The following SH3RF3 variants were observed in gnomAD, a reference collection of about 807,000 sequenced individuals.
The protein encoded by SH3RF3 is E3 ubiquitin-protein ligase SH3RF3.
A neutral mutation model predicts 66.3 loss-of-function variants in SH3RF3; 29 were observed. That is an observed-to-expected ratio of 0.44 (90% CI 0.33 to 0.60). The LOEUF is 0.60. Among genes scored for constraint, SH3RF3 ranks in the 20% least tolerant of loss-of-function variants. SH3RF3 has a pLI of 0.04. For synonymous variants in SH3RF3, 583 were observed against 532.0 expected (o/e 1.10, Z -1.32); for missense variants, 1,194 against 1,190.9 (o/e 1.00, Z -0.04).
chr2:109,388,601 A>G (rs547932036), intron 3 of SH3RF3, among the ~76,000 whole-genome samples: 2 of 152,266 alleles, frequency 1.3e-5, no homozygotes, highest in Non-Finnish European at 2.9e-5. Context: ...CCACTGCTGC[A>G]TGCACATGCA....
chr2:109,263,861 C>T (rs933836572), intron 1 of SH3RF3, among the ~76,000 whole-genome samples: 10 of 152,092 alleles, frequency 6.6e-5, no homozygotes, highest in East Asian at 1.9e-4. Context: ...CCCAGCTGCT[C>T]GGGAGGCTGA....
intron 7 of SH3RF3, among the ~76,000 whole-genome samples, chr2:109,447,478 C>T (rs1677743913): frequency 1.3e-5 from 2 of 152,172 alleles, no homozygotes; most frequent in Admixed American, 6.5e-5. Context: ...GCCATGAATG[C>T]CACAAAGTCT....
At chr2:109,149,750 C>T (rs1313533406) in intron 1 of SH3RF3, among the ~76,000 whole-genome samples, 6 of 152,162 alleles carry the variant, frequency 3.9e-5, no homozygotes, top group African/African-American at 9.7e-5. Context: ...TCTATCAAGA[C>T]GTTGTGAGTA....
intron 9 of SH3RF3, among the ~76,000 whole-genome samples, chr2:109,498,377 C>T (rs1262291750): frequency 2.0e-5 from 3 of 152,204 alleles, no homozygotes; most frequent in Admixed American, 2.0e-4. Context: ...CCTCCTCTTG[C>T]CAGCCTGGTG....
chr2:109,432,429 C>G, intron 5 of SH3RF3, 72 bp from the exon 6 acceptor site: 6 of 1,572,678 alleles, frequency 3.8e-6, no homozygotes, highest in Non-Finnish European at 5.2e-6. Context: ...ACAACCTCCC[C>G]CCAGGAATGC....
At chr2:109,256,948 T>TAGC (rs1019394459) in intron 1 of SH3RF3, among the ~76,000 whole-genome samples, 2 of 152,208 alleles carry the variant, frequency 1.3e-5, no homozygotes, top group African/African-American at 4.8e-5. Context: ...TGTGGAGGAC[T>TAGC]AGCAGCTCTT....
chr2:109,171,733 G>T (rs945376632), intron 1 of SH3RF3, among the ~76,000 whole-genome samples: 4 of 152,246 alleles, frequency 2.6e-5, no homozygotes, highest in Non-Finnish European at 5.9e-5. Flanking sequence ...TGCGCCTGGC[G>T]CTGCCCTCCT....
At chr2:109,409,949 G>T (rs924026515) in intron 4 of SH3RF3, among the ~76,000 whole-genome samples, 1 of 152,148 alleles carries the variant, frequency 6.6e-6, no homozygotes, top group Non-Finnish European at 1.5e-5. Context: ...TAAATGAGGA[G>T]ATGTTTCTTC....
intron 1 of SH3RF3, among the ~76,000 whole-genome samples, chr2:109,343,467 G>T (rs1682603796): frequency 1.3e-5 from 2 of 152,068 alleles, no homozygotes; most frequent in African/African-American, 4.8e-5. Context: ...GTCTGAGATG[G>T]GGATACAGGG....
At chr2:109,396,163 A>T (rs1175462421) in intron 3 of SH3RF3, among the ~76,000 whole-genome samples, 1 of 152,218 alleles carries the variant, frequency 6.6e-6, no homozygotes, top group Non-Finnish European at 1.5e-5. Flanking sequence ...ACTGGGGTCC[A>T]GAAAGCTGGC....
At chr2:109,138,749 A>G (rs956450500) in intron 1 of SH3RF3, among the ~76,000 whole-genome samples, 1 of 152,218 alleles carries the variant, frequency 6.6e-6, no homozygotes, top group Non-Finnish European at 1.5e-5. Flanking sequence ...AGCTGTCACC[A>G]TGGCCCTGTG....
At chr2:109,384,240 C>A (rs758651488) in intron 3 of SH3RF3, among the ~76,000 whole-genome samples, 1 of 151,998 alleles carries the variant, frequency 6.6e-6, no homozygotes. Context: ...CAGAGGAGAA[C>A]CCTGGAGACC....
intron 1 of SH3RF3, among the ~76,000 whole-genome samples, chr2:109,214,013 G>A (rs981010873): frequency 6.6e-6 from 1 of 152,202 alleles, no homozygotes; most frequent in African/African-American, 2.4e-5. Flanking sequence ...AGGGGAGGGA[G>A]GAGCTCTGAG....
At chr2:109,395,197 C>T (rs1369282840) in intron 3 of SH3RF3, among the ~76,000 whole-genome samples, 1 of 152,236 alleles carries the variant, frequency 6.6e-6, no homozygotes, top group Non-Finnish European at 1.5e-5. Flanking sequence ...GTGAGTATGG[C>T]AAGCCTGGTC....
chr2:109,390,159 G>T (rs1327408244), intron 3 of SH3RF3, among the ~76,000 whole-genome samples: 1 of 152,210 alleles, frequency 6.6e-6, no homozygotes, highest in Non-Finnish European at 1.5e-5. Flanking sequence ...TCTCTTCACT[G>T]TCCCAACAGA....
chr2:109,334,328 A>G (rs936698030), intron 1 of SH3RF3, among the ~76,000 whole-genome samples: 1 of 147,528 alleles, frequency 6.8e-6, no homozygotes, highest in African/African-American at 2.5e-5. Context: ...ACTCGACTTC[A>G]GATTGGGTGA....
chr2:109,355,746 C>T (rs891479187), intron 2 of SH3RF3, among the ~76,000 whole-genome samples: 14 of 152,176 alleles, frequency 9.2e-5, no homozygotes, highest in African/African-American at 1.4e-4. Flanking sequence ...CAACTTAACA[C>T]GCAGGTCCAT....
intron 2 of SH3RF3, among the ~76,000 whole-genome samples, chr2:109,353,761 C>T (rs1682887795): frequency 1.3e-5 from 2 of 152,320 alleles, no homozygotes; most frequent in South Asian, 4.1e-4. Context: ...GGAGACAAGA[C>T]GAGAGAGTCT....
chr2:109,328,182 T>C (rs959524946), intron 1 of SH3RF3, among the ~76,000 whole-genome samples: 1 of 152,366 alleles, frequency 6.6e-6, no homozygotes, highest in Admixed American at 6.5e-5. Flanking sequence ...TTGCCTGATA[T>C]TAGTCCATGT....
Sources: gnomAD v4.1 joint callset for allele counts (sites outside exome capture counted in the v4.1 genomes callset) on GRCh38, gnomAD v4.1.1 for gene constraint, MANE v1.5 for transcripts, NCBI Gene and HGNC (gene_info 2026-07-23, HGNC 2026-07-21) for gene names.